CEP112: variants seen among roughly 807,000 people sequenced by gnomAD.
The protein encoded by CEP112 is centrosomal protein 112.
Under a neutral mutation model 153.0 loss-of-function variants are expected in CEP112, and 127 were observed. The observed-to-expected ratio is 0.83, with a 90% CI of 0.72 to 0.96. CEP112 has a LOEUF of 0.96. Among genes scored for constraint, CEP112 ranks in the 40% least tolerant of loss-of-function variants. The probability of loss-of-function intolerance (pLI) is 0.00; values close to 1 mark genes in which losing one functional copy is unlikely to be tolerated. For missense variants in CEP112, 1,089 were observed against 1,101.2 expected (o/e 0.99, Z 0.16); for synonymous variants, 358 against 374.4 (o/e 0.96, Z 0.51).
intron 21 of CEP112, among the ~76,000 whole-genome samples, chr17:65,825,088 A>G (rs2056773782): frequency 6.6e-6 from 1 of 152,238 alleles, no homozygotes; most frequent in Non-Finnish European, 1.5e-5. Context: ...CTGTCTGTCC[A>G]TTGGCAGATG....
intron 17 of CEP112, among the ~76,000 whole-genome samples, chr17:65,972,778 T>C (rs1451230962): frequency 6.6e-6 from 1 of 152,248 alleles, no homozygotes; most frequent in Non-Finnish European, 1.5e-5. Context: ...TTTTGTTTTT[T>C]GTTTTTTGAG....
intron 6 of CEP112, among the ~76,000 whole-genome samples, chr17:66,111,968 C>G (rs2069069858): frequency 6.6e-6 from 1 of 152,130 alleles, no homozygotes; most frequent in Non-Finnish European, 1.5e-5. Context: ...AATGATTAGT[C>G]TCCAAAATGT....
At chr17:65,705,050 T>C (rs1376801648) in intron 23 of CEP112, among the ~76,000 whole-genome samples, 1 of 152,236 alleles carries the variant, frequency 6.6e-6, no homozygotes, top group African/African-American at 2.4e-5. Flanking sequence ...CAGTTTGATT[T>C]CTGAACTACT....
At position 65,927,800 on chromosome 17, in the gene CEP112, T is replaced by A. The variant is rs968454283; in HGVS notation, c.1873-111A>T. On this transcript the variant is annotated intron_variant, in intron 18 of 26. Transcript: ENST00000535342. ...CAGATTTTAAGCACCTCACCAATAA[T>A]AATGATGAATTTAAATGTATTAAAA... The A allele has an allele frequency of 5.8e-6, 3 of 517,088 alleles. No homozygotes were observed. The African/African-American group carries it at 5.9e-5, about 10-fold the overall frequency. The allele number at this position is 517,088 out of a possible 1,614,324, so 32.0% of individuals were successfully genotyped here.
chr17:65,962,739 T>C (rs74690878), intron 17 of CEP112, among the ~76,000 whole-genome samples: 72,898 of 151,842 alleles, frequency 0.48, 18,458 homozygotes, highest in East Asian at 0.89. Context: ...GTGAGTCTAA[T>C]GAGATCTGAT....
At chr17:66,032,850 T>A (rs565246901) in intron 12 of CEP112, among the ~76,000 whole-genome samples, 52 of 152,146 alleles carry the variant, frequency 3.4e-4, no homozygotes, top group Non-Finnish European at 6.2e-4. Context: ...TAAGTGAAGA[T>A]CAAATATAAT....
intron 20 of CEP112, among the ~76,000 whole-genome samples, chr17:65,879,024 A>C (rs1218370810): frequency 2.0e-5 from 3 of 152,208 alleles, no homozygotes; most frequent in Non-Finnish European, 4.4e-5. Flanking sequence ...GGAGGGACAG[A>C]AAAGAAACTC....
intron 20 of CEP112, among the ~76,000 whole-genome samples, chr17:65,868,741 C>T (rs1266982510): frequency 6.6e-6 from 1 of 152,038 alleles, no homozygotes; most frequent in Non-Finnish European, 1.5e-5. Context: ...TATATATGTT[C>T]ATTAGCATTT....
intron 21 of CEP112, among the ~76,000 whole-genome samples, chr17:65,761,683 C>T (rs2052621200): frequency 6.6e-6 from 1 of 151,786 alleles, no homozygotes; most frequent in Admixed American, 6.6e-5. Context: ...TTATATAATC[C>T]CAAAGTATTT....
At chr17:65,885,983 T>A (rs1056680887) in intron 20 of CEP112, among the ~76,000 whole-genome samples, 16 of 152,224 alleles carry the variant, frequency 1.1e-4, no homozygotes, top group Non-Finnish European at 1.9e-4. Flanking sequence ...ATATATGAAT[T>A]GCTTTGTACT....
intron 21 of CEP112, among the ~76,000 whole-genome samples, chr17:65,790,844 A>G (rs988897103): frequency 6.6e-6 from 1 of 152,130 alleles, no homozygotes; most frequent in Admixed American, 6.5e-5. Flanking sequence ...AAGTTCTTCA[A>G]ACTGTTCAGT....
At chr17:65,806,330 A>G (rs897517267) in intron 21 of CEP112, among the ~76,000 whole-genome samples, 1 of 152,260 alleles carries the variant, frequency 6.6e-6, no homozygotes, top group Admixed American at 6.5e-5. Flanking sequence ...GGATATTCTA[A>G]CATTTGGGTG....
chr17:66,039,248 A>G (rs2065872623), intron 12 of CEP112, among the ~76,000 whole-genome samples: 2 of 152,164 alleles, frequency 1.3e-5, no homozygotes, highest in African/African-American at 2.4e-5. Context: ...TACAACATCT[A>G]CTGACATAAG....
At chr17:65,806,737 T>C (rs1349820696) in intron 21 of CEP112, among the ~76,000 whole-genome samples, 1 of 152,202 alleles carries the variant, frequency 6.6e-6, no homozygotes, top group Non-Finnish European at 1.5e-5. Context: ...CCTTCTGCCA[T>C]GATTGTAAGT....
intron 17 of CEP112, 60 bp from the exon 18 acceptor site, chr17:65,961,658 GAAC>G (rs1452764556): frequency 6.9e-7 from 1 of 1,456,988 alleles, no homozygotes; most frequent in African/African-American, 1.4e-5. Flanking sequence ...CTGAATGAAA[GAAC>G]AATATTTAAC....
chr17:65,818,436 T>G (rs1253363032), intron 21 of CEP112, among the ~76,000 whole-genome samples: 2 of 151,804 alleles, frequency 1.3e-5, no homozygotes, highest in African/African-American at 4.8e-5. Context: ...GCAAATAATA[T>G]CTCAGCCCCT....
At chr17:65,707,305 G>T (rs1165078249) in intron 23 of CEP112, among the ~76,000 whole-genome samples, 1 of 151,990 alleles carries the variant, frequency 6.6e-6, no homozygotes, top group African/African-American at 2.4e-5. Context: ...TTAAAAACAT[G>T]CATAACCTAC....
At chr17:65,767,815 G>T (rs914839015) in intron 21 of CEP112, among the ~76,000 whole-genome samples, 15 of 151,866 alleles carry the variant, frequency 9.9e-5, no homozygotes, top group African/African-American at 2.4e-4. Flanking sequence ...ACTGAAGAAG[G>T]TTGAATAAGA....
intron 2 of CEP112, among the ~76,000 whole-genome samples, chr17:66,179,428 G>GTATTT (rs771752297): frequency 6.6e-6 from 1 of 151,722 alleles, no homozygotes; most frequent in African/African-American, 2.4e-5. Flanking sequence ...TAATTCCTAG[G>GTATTT]TATTTTATTT....
Sources: allele counts gnomAD v4.1 joint callset (sites outside exome capture counted in the v4.1 genomes callset), GRCh38; gene constraint gnomAD v4.1.1; transcripts MANE v1.5; gene names NCBI Gene and HGNC (gene_info 2026-07-23, HGNC 2026-07-21).